Variants in PDE10A observed in about 807,000 individuals in gnomAD.
PDE10A encodes phosphodiesterase 10A.
In PDE10A, 39 loss-of-function variants were observed where a neutral mutation model predicts 97.7. That is an observed-to-expected ratio of 0.40 (90% CI 0.31 to 0.52). The LOEUF (loss-of-function observed/expected upper bound fraction) is 0.52, where lower values mean the gene tolerates loss of function less well. PDE10A is among the 20% of genes least tolerant of loss of function. PDE10A has a pLI of 0.56. For missense variants in PDE10A, 731 were observed against 1,047.8 expected, an observed-to-expected ratio of 0.70 and a Z score of 4.17; for synonymous variants, 371 against 376.8, an observed-to-expected ratio of 0.98 and a Z score of 0.18.
chr6:165,426,962 T>C (rs998963654), intron 10 of PDE10A, among the ~76,000 whole-genome samples: 16 of 151,932 alleles, frequency 1.1e-4, no homozygotes, highest in African/African-American at 3.1e-4. Context: ...AGTCAGATAA[T>C]AGTAAGTGTT....
chr6:165,521,423 G>A (rs967985260), intron 2 of PDE10A, among the ~76,000 whole-genome samples: 1 of 152,186 alleles, frequency 6.6e-6, no homozygotes, highest in African/African-American at 2.4e-5. Context: ...TAGTGAGGAA[G>A]GCACGTCAAA....
intron 1 of PDE10A, among the ~76,000 whole-genome samples, chr6:165,792,032 C>T (rs1406293918): frequency 1.3e-5 from 2 of 152,186 alleles, no homozygotes; most frequent in Non-Finnish European, 2.9e-5. Flanking sequence ...ATCAGGCCCC[C>T]GCACGCAGCC....
intron 1 of PDE10A, among the ~76,000 whole-genome samples, chr6:165,657,428 G>A (rs568118708): frequency 2.6e-5 from 4 of 152,286 alleles, no homozygotes; most frequent in Admixed American, 1.3e-4. Flanking sequence ...GAAAATATTC[G>A]TTTTACATGA....
At chr6:165,878,275 T>C (rs2498574) in intron 1 of PDE10A, among the ~76,000 whole-genome samples, 74,635 of 152,112 alleles carry the variant, frequency 0.49, 18,561 homozygotes, top group Admixed American at 0.59. Flanking sequence ...TATTTCCCCC[T>C]GCTAAGTCAC....
At chr6:165,692,874 C>A (rs560657152) in intron 1 of PDE10A, among the ~76,000 whole-genome samples, 1 of 152,322 alleles carries the variant, frequency 6.6e-6, no homozygotes, top group South Asian at 2.1e-4. Flanking sequence ...AAGCGGAATA[C>A]TGCACTTTAT....
At chr6:165,956,783 G>C (rs1176439195) in intron 1 of PDE10A, among the ~76,000 whole-genome samples, 1 of 152,200 alleles carries the variant, frequency 6.6e-6, no homozygotes, top group African/African-American at 2.4e-5. Context: ...CCATGGTATG[G>C]AATCCGAATC....
chr6:165,648,881 C>G (rs1277329899), intron 1 of PDE10A, among the ~76,000 whole-genome samples: 7 of 152,176 alleles, frequency 4.6e-5, no homozygotes, highest in African/African-American at 1.7e-4. Flanking sequence ...TGCAAAGCCC[C>G]TGAAGGATTT....
intron 1 of PDE10A, among the ~76,000 whole-genome samples, chr6:165,697,808 A>G (rs1480917450): frequency 1.3e-5 from 2 of 152,242 alleles, no homozygotes; most frequent in Admixed American, 6.5e-5. Context: ...AAAAATATGA[A>G]GTACTTAAGG....
intron 1 of PDE10A, chr6:165,576,537 C>A: frequency 1.4e-6 from 1 of 730,638 alleles, no homozygotes; most frequent in South Asian, 1.5e-5. Flanking sequence ...ATACCATTAG[C>A]TTCTAAACAA....
chr6:165,469,989 C>T (rs1405908666), intron 3 of PDE10A, among the ~76,000 whole-genome samples: 1 of 152,208 alleles, frequency 6.6e-6, no homozygotes, highest in African/African-American at 2.4e-5. Flanking sequence ...GGTCCCATCA[C>T]TTTAGCCCTG....
chr6:165,522,963 T>G (rs1458031471), intron 2 of PDE10A, among the ~76,000 whole-genome samples: 1 of 152,030 alleles, frequency 6.6e-6, no homozygotes, highest in African/African-American at 2.4e-5. Context: ...TCAATAGTGT[T>G]TCTATATACC....
At chr6:165,716,182 T>C (rs73788761) in intron 1 of PDE10A, among the ~76,000 whole-genome samples, 19 of 152,332 alleles carry the variant, frequency 1.2e-4, no homozygotes, top group African/African-American at 4.6e-4. Context: ...TTCTGGGTGC[T>C]AAGACAAGGA....
At chr6:165,915,680 A>C (rs928740785) in intron 1 of PDE10A, among the ~76,000 whole-genome samples, 14 of 152,216 alleles carry the variant, frequency 9.2e-5, no homozygotes, top group African/African-American at 3.4e-4. Context: ...ACAAAATCGG[A>C]ACCACACAAG....
chr6:165,595,906 C>A (rs1284142544), intron 1 of PDE10A, among the ~76,000 whole-genome samples: 1 of 152,186 alleles, frequency 6.6e-6, no homozygotes, highest in Non-Finnish European at 1.5e-5. Flanking sequence ...ATTCTAATAC[C>A]ATCTACCTTG....
At chr6:165,464,051 G>C (rs1204134040) in intron 3 of PDE10A, among the ~76,000 whole-genome samples, 1 of 152,068 alleles carries the variant, frequency 6.6e-6, no homozygotes, top group Non-Finnish European at 1.5e-5. Flanking sequence ...TCTCTGTTCG[G>C]GGATCTCAGC....
chr6:165,616,369 T>C (rs1378800653), intron 1 of PDE10A, among the ~76,000 whole-genome samples: 1 of 152,166 alleles, frequency 6.6e-6, no homozygotes, highest in African/African-American at 2.4e-5. Context: ...AGCCATTGCA[T>C]GATTTCATGA....
intron 1 of PDE10A, among the ~76,000 whole-genome samples, chr6:165,763,519 C>T (rs1351529815): frequency 2.0e-5 from 3 of 152,150 alleles, no homozygotes; most frequent in South Asian, 2.1e-4. Context: ...GACACAGTTT[C>T]GTCATGTTGG....
chr6:165,573,613 A>G (rs1425054641), intron 1 of PDE10A, among the ~76,000 whole-genome samples: 1 of 152,240 alleles, frequency 6.6e-6, no homozygotes, highest in Non-Finnish European at 1.5e-5. Flanking sequence ...ACAAATTCAA[A>G]GCCTTATAAG....
rs553150989 is a variant in PDE10A at position 165,982,535 on chromosome 6, G to A, written c.-615+4994C>T. ...GAGATAGATTTCAGAGAAGCTACAGGTACTAAGAGAACAGGTTTCTAACTA... is the reference window on the plus strand; with the variant it reads ...GAGATAGATTTCAGAGAAGCTACAGATACTAAGAGAACAGGTTTCTAACTA... On this transcript the variant is annotated intron_variant, in intron 1 of 19. Coordinates refer to the PDE10A transcript ENST00000366882. 5.9e-5 allele frequency among the ~76,000 whole-genome samples: 9 copies of A among 152,274 alleles called. No homozygotes were observed. The South Asian group carries it at 1.0e-3, about 18-fold the overall frequency.
Sources: gnomAD v4.1 joint callset for allele counts (sites outside exome capture counted in the v4.1 genomes callset) on GRCh38, gnomAD v4.1.1 for gene constraint, MANE v1.5 for transcripts, NCBI Gene and HGNC (gene_info 2026-07-23, HGNC 2026-07-21) for gene names.